SNTG1: variants seen among roughly 807,000 people sequenced by gnomAD.
SNTG1 encodes the protein syntrophin gamma 1.
In SNTG1, 39 loss-of-function variants were observed where a neutral mutation model predicts 74.7. The observed-to-expected ratio is 0.52, with a 90% CI of 0.40 to 0.68. The LOEUF is 0.68. Among genes scored for constraint, SNTG1 ranks in the 30% least tolerant of loss-of-function variants. The probability of loss-of-function intolerance (pLI) is 0.00; values close to 1 mark genes in which losing one functional copy is unlikely to be tolerated. For synonymous variants in SNTG1, 254 were observed against 217.1 expected (o/e 1.17, Z -1.49); for missense variants, 685 against 609.5 (o/e 1.12, Z -1.30).
intron 1 of SNTG1, among the ~76,000 whole-genome samples, 154 bp downstream of exon 1, chr8:49,912,385 C>T (rs917625246): frequency 4.6e-5 from 7 of 152,142 alleles, no homozygotes; most frequent in African/African-American, 1.7e-4. Flanking sequence ...CATTGTGTGA[C>T]AAGAAGAATC....
At chr8:50,201,262 T>A (rs1431437186) in intron 2 of SNTG1, among the ~76,000 whole-genome samples, 2 of 152,222 alleles carry the variant, frequency 1.3e-5, no homozygotes, top group African/African-American at 4.8e-5. Context: ...TATAATAATG[T>A]GGCTGAAATC....
In SNTG1 at chr8:49,971,062, A is replaced by C. The variant is rs1811621524; in HGVS notation, c.-103+58831A>C. ...GATACCAAAGCCTGGCAGAGACACA[A>C]CCAAAAAAGAGAATTTTAGACCAAT... On this transcript the variant is annotated intron_variant, in intron 1 of 18. Coordinates refer to ENST00000642720, the MANE Select transcript of SNTG1 (RefSeq NM_018967.5). 3.3e-5 allele frequency among the ~76,000 whole-genome samples: 5 copies of C among 152,260 alleles called. No individual in the cohort carries two copies. The South Asian group carries it at 1.0e-3, about 32-fold the overall frequency.
chr8:50,011,547 T>C (rs148829306), intron 1 of SNTG1, among the ~76,000 whole-genome samples: 1 of 152,210 alleles, frequency 6.6e-6, no homozygotes, highest in African/African-American at 2.4e-5. Context: ...AAATATTAAA[T>C]TGATGGGTTG....
intron 2 of SNTG1, among the ~76,000 whole-genome samples, chr8:50,295,465 T>C (rs574686423): frequency 1.4e-4 from 21 of 150,364 alleles, no homozygotes; most frequent in African/African-American, 4.6e-4. Flanking sequence ...TGAAATACGA[T>C]TTTTTATCCA....
chr8:50,388,436 G>A (rs2092607424), intron 2 of SNTG1, among the ~76,000 whole-genome samples: 1 of 152,084 alleles, frequency 6.6e-6, no homozygotes, highest in Non-Finnish European at 1.5e-5. Context: ...AGTCTTTACT[G>A]CCTTTAAATC....
intron 2 of SNTG1, among the ~76,000 whole-genome samples, chr8:50,220,105 T>C (rs2084988323): frequency 6.6e-6 from 1 of 152,198 alleles, no homozygotes; most frequent in South Asian, 2.1e-4. Context: ...CTCAGGTGTA[T>C]GACAAAAAGA....
At chr8:50,583,143 T>G (rs773328556) in intron 12 of SNTG1, among the ~76,000 whole-genome samples, 2 of 152,116 alleles carry the variant, frequency 1.3e-5, no homozygotes, top group African/African-American at 2.4e-5. Context: ...GGCTCATGCC[T>G]GTAATCTTAA....
intron 1 of SNTG1, among the ~76,000 whole-genome samples, chr8:50,159,071 C>A (rs969222368): frequency 6.6e-6 from 1 of 152,094 alleles, no homozygotes; most frequent in African/African-American, 2.4e-5. Context: ...GCGTTGAGTG[C>A]TTTTTGATGA....
At chr8:49,930,491 GATATATA>G (rs59781797) in intron 1 of SNTG1, among the ~76,000 whole-genome samples, 102,797 of 151,220 alleles carry the variant, frequency 0.68, 36,891 homozygotes, top group East Asian at 0.87. Context: ...TGATGAAGGA[GATATATA>G]ATATATATGT....
rs1563453444 is a variant in SNTG1, at chr8:50,484,137, C to CTTTCT, written c.364-18639_364-18638insTCTTT. ...CTTTCTTTCTTTCTTTCTTTCTTTC[C>CTTTCT]TTCTTTCTTTCTTTCCTTCCTTCCT... On this transcript the variant is annotated intron_variant, in intron 8 of 18. Coordinates refer to ENST00000642720, the MANE Select transcript of SNTG1 (RefSeq NM_018967.5). Among the ~76,000 whole-genome samples the CTTTCT allele has an allele frequency of 5.9e-3, 328 of 55,630 alleles. 1 individual carries two copies. The highest frequency in any genetic ancestry group is 0.01 in the South Asian group (20 of 1,984). 36.5% of individuals were successfully genotyped at this position (55,630 alleles called of 152,430 possible).
At chr8:50,240,386 G>C (rs10808817) in intron 2 of SNTG1, among the ~76,000 whole-genome samples, 85,960 of 152,034 alleles carry the variant, frequency 0.57, 28,010 homozygotes, top group East Asian at 0.84. Flanking sequence ...AATAATGATT[G>C]TGGAATAAAT....
At chr8:50,018,600 C>A (rs547427370) in intron 1 of SNTG1, among the ~76,000 whole-genome samples, 21 of 151,984 alleles carry the variant, frequency 1.4e-4, no homozygotes, top group African/African-American at 3.4e-4. Flanking sequence ...GTTGTTGTTT[C>A]GCTTTTTACT....
intron 2 of SNTG1, among the ~76,000 whole-genome samples, chr8:50,213,507 A>G (rs530019176): frequency 1.3e-5 from 2 of 152,290 alleles, no homozygotes; most frequent in East Asian, 3.9e-4. Flanking sequence ...GGGAAAAATA[A>G]ATATGTACTT....
intron 4 of SNTG1, among the ~76,000 whole-genome samples, chr8:50,415,749 G>T (rs1014490768): frequency 6.6e-6 from 1 of 152,014 alleles, no homozygotes; most frequent in Admixed American, 6.6e-5. Context: ...TGTGGAAACG[G>T]TAAGATAGCC....
chr8:49,990,272 T>C (rs1183688625), intron 1 of SNTG1, among the ~76,000 whole-genome samples: 1 of 151,874 alleles, frequency 6.6e-6, no homozygotes, highest in African/African-American at 2.4e-5. Context: ...AAAATGGAAC[T>C]AAGAAAAACA....
intron 9 of SNTG1, among the ~76,000 whole-genome samples, 178 bp from the exon 10 acceptor site, chr8:50,529,999 C>T (rs1474237559): frequency 6.6e-6 from 1 of 152,048 alleles, no homozygotes; most frequent in African/African-American, 2.4e-5. Flanking sequence ...TGCCCAGATA[C>T]CTGTAGTCAC....
chr8:50,146,646 C>T (rs1436401419), intron 1 of SNTG1, among the ~76,000 whole-genome samples: 1 of 152,140 alleles, frequency 6.6e-6, no homozygotes, highest in African/African-American at 2.4e-5. Flanking sequence ...GTGGCTATGT[C>T]GTATTGCAAC....
intron 17 of SNTG1, among the ~76,000 whole-genome samples, chr8:50,731,431 C>T (rs886843949): frequency 6.6e-6 from 1 of 152,094 alleles, no homozygotes; most frequent in African/African-American, 2.4e-5. Context: ...AAATTCTACA[C>T]ATATTTTATA....
Position 50,141,118 on chromosome 8 carries a change from C to T in SNTG1, c.-102-31443C>T, listed in dbSNP as rs769044854. Among the ~76,000 whole-genome samples the T allele has an allele frequency of 2.4e-4, 36 of 152,178 alleles. 1 individual carries two copies. The highest frequency in any genetic ancestry group is 3.3e-4 in the Admixed American group (5 of 15,258). ...AAAGATACATGGAGTCTCCAGGTTTCGCTGATTATGAATTAGCCTGCTGTT... is the reference window on the plus strand; with the variant it reads ...AAAGATACATGGAGTCTCCAGGTTTTGCTGATTATGAATTAGCCTGCTGTT... On this transcript the variant is annotated intron_variant, in intron 1 of 18. Transcript: ENST00000642720.
Sources: allele counts gnomAD v4.1 joint callset (sites outside exome capture counted in the v4.1 genomes callset), GRCh38; gene constraint gnomAD v4.1.1; transcripts MANE v1.5; gene names NCBI Gene and HGNC (gene_info 2026-07-23, HGNC 2026-07-21).